Variants in PPFIBP1 observed in about 807,000 individuals in gnomAD.
The protein encoded by PPFIBP1 is liprin-beta-1.
In PPFIBP1, 112 loss-of-function variants were observed where a neutral mutation model predicts 137.8. The ratio of observed to expected loss-of-function variants is 0.81; its 90% CI spans 0.70 to 0.95. The LOEUF is 0.95. Among genes scored for constraint, PPFIBP1 ranks in the 40% least tolerant of loss-of-function variants. The pLI, the probability that PPFIBP1 is intolerant of heterozygous loss-of-function variation, is 0.00. For synonymous variants in PPFIBP1, 378 were observed against 417.3 expected (o/e 0.91, Z 1.15); for missense variants, 1,083 against 1,196.6 (o/e 0.91, Z 1.40).
At chr12:27,594,038 A>G in intron 2 of PPFIBP1, 2 of 1,318,910 alleles carry the variant, frequency 1.5e-6, no homozygotes, top group Non-Finnish European at 2.0e-6. Flanking sequence ...TGAATATGCC[A>G]TGGAGTTCAA....
In PPFIBP1 at chr12:27,673,305, G is replaced by C. The variant is rs563874175; in HGVS notation, c.1320-462G>C. Among the ~76,000 whole-genome samples, 30 of 152,308 alleles carry C rather than the reference G, an allele frequency of 2.0e-4. 1 individual carries two copies. Among genetic ancestry groups the C allele is most frequent in the Admixed American group, 1.2e-3 (19 of 15,298 alleles). On this transcript the variant is annotated intron_variant, in intron 15 of 29. Transcript: ENST00000228425. ...GGATTCCTCTACTATGCTTTAATTA[G>C]AACTATAAAATGAATTGCTTTGCCA...
intron 1 of PPFIBP1, among the ~76,000 whole-genome samples, chr12:27,536,152 C>T (rs773528375): frequency 1.3e-5 from 2 of 152,216 alleles, no homozygotes; most frequent in Non-Finnish European, 2.9e-5. Context: ...ACTTACCTTG[C>T]ACTCGCTTGA....
intron 2 of PPFIBP1, among the ~76,000 whole-genome samples, chr12:27,632,429 C>A (rs2057330079): frequency 6.6e-6 from 1 of 152,118 alleles, no homozygotes; most frequent in Non-Finnish European, 1.5e-5. Context: ...TAGTCTGGTA[C>A]CTGAAATGCA....
chr12:27,580,313 T>C (rs1358088025), intron 2 of PPFIBP1, among the ~76,000 whole-genome samples: 1 of 152,156 alleles, frequency 6.6e-6, no homozygotes, highest in Non-Finnish European at 1.5e-5. Flanking sequence ...TAGGAAAAAA[T>C]GTATTTTCCC....
intron 1 of PPFIBP1, among the ~76,000 whole-genome samples, chr12:27,530,004 G>A (rs936897491): frequency 1.3e-5 from 2 of 152,052 alleles, no homozygotes; most frequent in African/African-American, 4.8e-5. Context: ...CCACAGAATT[G>A]CAAAAGTTTT....
chr12:27,594,015 C>T (rs572027581), intron 2 of PPFIBP1: 8 of 1,339,068 alleles, frequency 6.0e-6, no homozygotes, highest in Non-Finnish European at 2.9e-6. Context: ...TCCTCTATGT[C>T]GCTGTTAGAG....
chr12:27,607,672 AT>A (rs551139926), intron 2 of PPFIBP1, among the ~76,000 whole-genome samples: 6 of 152,300 alleles, frequency 3.9e-5, no homozygotes, highest in Admixed American at 3.9e-4. Flanking sequence ...CTCTTAATGA[AT>A]TTGGTGTCTT....
chr12:27,545,716 G>T (rs1353493172), intron 1 of PPFIBP1, among the ~76,000 whole-genome samples: 1 of 152,238 alleles, frequency 6.6e-6, no homozygotes, highest in Admixed American at 6.5e-5. Context: ...AACTTGGCAA[G>T]AGTAAAATCC....
At chr12:27,636,828 C>G (rs1320590581) in intron 4 of PPFIBP1, 1 of 152,212 alleles carries the variant, frequency 6.6e-6, no homozygotes, top group African/African-American at 2.4e-5. Flanking sequence ...TGTCACACAT[C>G]TCCTTATTCG....
At chr12:27,647,681 G>A in intron 5 of PPFIBP1, 48 bp from the exon 6 acceptor site, 1 of 1,185,020 alleles carries the variant, frequency 8.4e-7, no homozygotes, top group Non-Finnish European at 1.2e-6. Context: ...GTATGCAGTG[G>A]GACCCAAATT....
chr12:27,545,829 C>T (rs1946184688), intron 1 of PPFIBP1, among the ~76,000 whole-genome samples: 1 of 152,202 alleles, frequency 6.6e-6, no homozygotes, highest in African/African-American at 2.4e-5. Context: ...CTGTTTAAAG[C>T]TTTCTCTTCT....
At chr12:27,669,732 C>G (rs568955249) in intron 13 of PPFIBP1, among the ~76,000 whole-genome samples, 1 of 152,180 alleles carries the variant, frequency 6.6e-6, no homozygotes, top group African/African-American at 2.4e-5. Flanking sequence ...GTTAAATAAT[C>G]TGCTACTTTA....
intron 2 of PPFIBP1, among the ~76,000 whole-genome samples, chr12:27,611,873 G>A (rs2055159522): frequency 6.6e-6 from 1 of 151,950 alleles, no homozygotes; most frequent in Non-Finnish European, 1.5e-5. Flanking sequence ...AAGCAAATAT[G>A]ACAGCAGTAC....
chr12:27,645,724 G>A lies in PPFIBP1; in HGVS notation c.271-338G>A, dbSNP rs189583549. 1.6e-4 allele frequency among the ~76,000 whole-genome samples: 25 copies of A among 152,304 alleles called. No individual in the cohort carries two copies. The East Asian group carries it at 4.4e-3, about 27-fold the overall frequency. The stretch of plus-strand genomic sequence containing the variant: ...GAAGAGAGACAGACCTCAACAACTC[G>A]GGGTGCCCCCTACATACTCACAAAG... On this transcript the variant is annotated intron_variant, in intron 4 of 29. Transcript: ENST00000228425.
chr12:27,685,265 A>ATG (rs1188433655), intron 24 of PPFIBP1, among the ~76,000 whole-genome samples: 2 of 150,430 alleles, frequency 1.3e-5, no homozygotes, highest in African/African-American at 2.4e-5. Context: ...GTTTGTATAT[A>ATG]TGTGTGTGTG....
intron 1 of PPFIBP1, among the ~76,000 whole-genome samples, chr12:27,573,255 T>G (rs145254490): frequency 6.6e-6 from 1 of 152,312 alleles, no homozygotes; most frequent in African/African-American, 2.4e-5. Flanking sequence ...CATTAATACA[T>G]GATTAAATAC....
At chr12:27,556,946 C>T (rs567563735) in intron 1 of PPFIBP1, among the ~76,000 whole-genome samples, 1 of 90,448 alleles carries the variant, frequency 1.1e-5, no homozygotes, top group Non-Finnish European at 2.2e-5. Flanking sequence ...CAATAAAGAC[C>T]CCACCCCTCA....
intron 1 of PPFIBP1, among the ~76,000 whole-genome samples, chr12:27,571,646 C>T (rs537645647): frequency 6.6e-6 from 1 of 152,314 alleles, no homozygotes; most frequent in South Asian, 2.1e-4. Flanking sequence ...CTATGATGAC[C>T]TCACTGGGGT....
chr12:27,670,785 A>ATAATAATAAT (rs1555238606), intron 13 of PPFIBP1, among the ~76,000 whole-genome samples: 4 of 139,314 alleles, frequency 2.9e-5, no homozygotes, highest in Non-Finnish European at 6.2e-5. Context: ...TCTCAAAAAA[A>ATAATAATAAT]AAAAAAAAAA....
Sources: allele counts gnomAD v4.1 joint callset (sites outside exome capture counted in the v4.1 genomes callset), GRCh38; gene constraint gnomAD v4.1.1; transcripts MANE v1.5; gene names NCBI Gene and HGNC (gene_info 2026-07-23, HGNC 2026-07-21).